Variants in EIF3E observed in about 807,000 individuals in gnomAD.
EIF3E encodes the protein eIF-3 p48.
EIF3E carries 25 observed loss-of-function variants against 59.3 expected under a neutral mutation model. That is an observed-to-expected ratio of 0.42 (90% CI 0.31 to 0.59). The LOEUF is 0.59. Among genes scored for constraint, EIF3E ranks in the 20% least tolerant of loss-of-function variants. EIF3E has a pLI of 0.15. For synonymous variants in EIF3E, 176 were observed against 170.2 expected (o/e 1.03, Z -0.26); for missense variants, 317 against 534.3 (o/e 0.59, Z 4.01).
At chr8:108,218,782 C>CTTTTTTTTTTTTTTTTT (rs35642365) in intron 7 of EIF3E, among the ~76,000 whole-genome samples, 2 of 111,162 alleles carry the variant, frequency 1.8e-5, no homozygotes, top group African/African-American at 7.0e-5. Flanking sequence ...TATTTTATTT[C>CTTTTTTTTTTTTTTTTT]TTTTTTTTTT....
chr8:108,238,250 G>C (rs1040583723), intron 3 of EIF3E, among the ~76,000 whole-genome samples: 1 of 152,194 alleles, frequency 6.6e-6, no homozygotes, highest in Non-Finnish European at 1.5e-5. Context: ...TGCGCATGAT[G>C]TGTGTATATA....
chr8:108,214,308 C>T (rs1338248174), intron 10 of EIF3E, among the ~76,000 whole-genome samples: 1 of 152,150 alleles, frequency 6.6e-6, no homozygotes, highest in East Asian at 1.9e-4. Context: ...ATGTTTACTA[C>T]ACTTTTCTCC....
At chr8:108,221,369 T>G (rs73306514) in intron 7 of EIF3E, 1 of 152,170 alleles carries the variant, frequency 6.6e-6, no homozygotes, top group Non-Finnish European at 1.5e-5. Context: ...TGGGATCTAA[T>G]ATTCCATTTC....
intron 7 of EIF3E, chr8:108,227,973 T>G: frequency 4.6e-6 from 1 of 217,454 alleles, no homozygotes; most frequent in Non-Finnish European, 9.0e-6. Context: ...CTTATTAAAA[T>G]GCAGATTCTA....
At chr8:108,242,622 AAAG>A in intron 1 of EIF3E, 1 of 1,168,554 alleles carries the variant, frequency 8.6e-7, no homozygotes, top group Non-Finnish European at 1.1e-6. Context: ...CACAAAAAAT[AAAG>A]ATGAAGGTGG....
intron 10 of EIF3E, among the ~76,000 whole-genome samples, chr8:108,205,962 A>G (rs1159119493): frequency 6.6e-6 from 1 of 152,186 alleles, no homozygotes; most frequent in African/African-American, 2.4e-5. Context: ...TACTACCTGC[A>G]GTTTCAAGCA....
intron 3 of EIF3E, among the ~76,000 whole-genome samples, chr8:108,237,850 T>TAA (rs1815763127): frequency 6.6e-6 from 1 of 152,194 alleles, no homozygotes; most frequent in African/African-American, 2.4e-5. Flanking sequence ...CGGGAAAGTG[T>TAA]AAGTACGATA....
chr8:108,247,675 G>C lies in EIF3E; in HGVS notation c.90+938C>G, dbSNP rs141084782. ...ACACAAAATCCACTCCCCAAATCTA[G>C]AGTTCCCTAAGTAGACTTATATTGT... On this transcript the variant is annotated intron_variant, in intron 1 of 12. Transcript: ENST00000220849. Among the ~76,000 whole-genome samples, 116 of 152,210 alleles carry C rather than the reference G, an allele frequency of 7.6e-4. 1 individual carries two copies. The highest frequency in any genetic ancestry group is 1.3e-3 in the Non-Finnish European group (90 of 68,010).
At chr8:108,239,876 G>T in intron 3 of EIF3E, 82 bp downstream of exon 3, 1 of 1,099,722 alleles carries the variant, frequency 9.1e-7, no homozygotes, top group Non-Finnish European at 1.4e-6. Context: ...TTTTACTATG[G>T]GATACTGGAT....
At chr8:108,248,185 C>T (rs866367149) in intron 1 of EIF3E, among the ~76,000 whole-genome samples, 1 of 152,170 alleles carries the variant, frequency 6.6e-6, no homozygotes, top group Non-Finnish European at 1.5e-5. Context: ...CCAAAAGACT[C>T]GACATGCAAA....
At chr8:108,230,423 G>A (rs764668127) in intron 5 of EIF3E, among the ~76,000 whole-genome samples, 7 of 152,064 alleles carry the variant, frequency 4.6e-5, no homozygotes, top group South Asian at 2.1e-4. Flanking sequence ...GAAAATCATC[G>A]CAGAGATAGG....
chr8:108,231,008 G>A (rs1030020546), intron 5 of EIF3E, among the ~76,000 whole-genome samples: 10 of 152,118 alleles, frequency 6.6e-5, no homozygotes, highest in African/African-American at 1.4e-4. Flanking sequence ...GGATGCCCAG[G>A]ACCATGGGTG....
At chr8:108,238,904 T>C (rs1224979192) in intron 3 of EIF3E, among the ~76,000 whole-genome samples, 1 of 152,214 alleles carries the variant, frequency 6.6e-6, no homozygotes, top group Non-Finnish European at 1.5e-5. Flanking sequence ...ATTTTATTTT[T>C]AAATGTTTCT....
chr8:108,239,566 CT>C (rs11296811), intron 3 of EIF3E, among the ~76,000 whole-genome samples: 88,012 of 151,742 alleles, frequency 0.58, 25,513 homozygotes, highest in Middle Eastern at 0.63. Context: ...GGCAGCAGTG[CT>C]TGTCCTATGC....
At chr8:108,202,354 A>G (rs1182768936) in intron 12 of EIF3E, among the ~76,000 whole-genome samples, 1 of 152,038 alleles carries the variant, frequency 6.6e-6, no homozygotes, top group Non-Finnish European at 1.5e-5. Context: ...TTTCAATCAA[A>G]TGGGGTCTCT....
At chr8:108,203,723 T>C (rs1313486543) in intron 10 of EIF3E, among the ~76,000 whole-genome samples, 1 of 152,050 alleles carries the variant, frequency 6.6e-6, no homozygotes, top group East Asian at 1.9e-4. Context: ...GACTGTAAAA[T>C]CCTTGAGGGT....
intron 12 of EIF3E, 56 bp downstream of exon 12, chr8:108,202,927 G>T: frequency 4.6e-6 from 7 of 1,526,878 alleles, no homozygotes; most frequent in Non-Finnish European, 4.4e-6. Flanking sequence ...GAAACTTCAT[G>T]TAACAATTAC....
At chr8:108,224,241 T>C (rs982148427) in intron 7 of EIF3E, among the ~76,000 whole-genome samples, 1 of 151,190 alleles carries the variant, frequency 6.6e-6, no homozygotes, top group Non-Finnish European at 1.5e-5. Flanking sequence ...AAAAATAAAA[T>C]AATTTTTAAA....
chr8:108,204,983 G>C (rs1471167675), intron 10 of EIF3E, among the ~76,000 whole-genome samples: 1 of 152,030 alleles, frequency 6.6e-6, no homozygotes, highest in Non-Finnish European at 1.5e-5. Context: ...TTAGTAAATA[G>C]GTTAAGTCAG....
Sources: gnomAD v4.1 joint callset for allele counts (sites outside exome capture counted in the v4.1 genomes callset) on GRCh38, gnomAD v4.1.1 for gene constraint, MANE v1.5 for transcripts, NCBI Gene and HGNC (gene_info 2026-07-23, HGNC 2026-07-21) for gene names.